DNAH14: variants seen among roughly 807,000 people sequenced by gnomAD.
DNAH14 encodes axonemal beta dynein heavy chain 14.
A neutral mutation model predicts 520.9 loss-of-function variants in DNAH14; 478 were observed. That is an observed-to-expected ratio of 0.92 (90% CI 0.85 to 0.99). DNAH14 has a LOEUF of 0.99. Ranked by LOEUF, DNAH14 falls within the 50% of genes least tolerant of loss-of-function variation. The probability of loss-of-function intolerance (pLI) is 0.00; values close to 1 mark genes in which losing one functional copy is unlikely to be tolerated. For missense variants in DNAH14, 4,831 were observed against 5,234.5 expected, an observed-to-expected ratio of 0.92 and a Z score of 2.38; for synonymous variants, 1,581 against 1,757.2, an observed-to-expected ratio of 0.90 and a Z score of 2.51.
At chr1:225,051,382 A>C in intron 16 of DNAH14, 69 bp from the exon 17 acceptor site, 3 of 1,108,610 alleles carry the variant, frequency 2.7e-6, no homozygotes, top group Non-Finnish European at 2.5e-6. Context: ...AGAAACTATT[A>C]GCATGCCAAA....
intron 1 of DNAH14, among the ~76,000 whole-genome samples, chr1:224,941,585 G>A (rs2059422746): frequency 6.6e-6 from 1 of 150,380 alleles, no homozygotes; most frequent in Admixed American, 6.6e-5. Context: ...TAGACATGAA[G>A]CCCTATGTCC....
chr1:225,393,817 T>TG (rs570360802), intron 84 of DNAH14, among the ~76,000 whole-genome samples: 7,976 of 147,808 alleles, frequency 0.054, 222 homozygotes, highest in Middle Eastern at 0.065. Flanking sequence ...TTTTTTTGTT[T>TG]TTTTTTTGTT....
chr1:225,173,054 A>G (rs1377109533), intron 36 of DNAH14, among the ~76,000 whole-genome samples: 2 of 152,244 alleles, frequency 1.3e-5, no homozygotes, highest in Admixed American at 6.5e-5. Flanking sequence ...CTGGCTAGCC[A>G]TATGTAGAAA....
intron 1 of DNAH14, among the ~76,000 whole-genome samples, chr1:224,947,197 C>T (rs988678991): frequency 1.3e-5 from 2 of 152,058 alleles, no homozygotes; most frequent in African/African-American, 2.4e-5. Context: ...GGATTACAGG[C>T]GTGAACCACC....
intron 1 of DNAH14, among the ~76,000 whole-genome samples, chr1:224,934,555 A>C (rs895928028): frequency 1.3e-5 from 2 of 151,908 alleles, no homozygotes; most frequent in Non-Finnish European, 2.9e-5. Context: ...AAAAAGTGAC[A>C]AAAGTTATGA....
intron 27 of DNAH14, among the ~76,000 whole-genome samples, chr1:225,134,524 T>A (rs1468615552): frequency 6.6e-6 from 1 of 152,162 alleles, no homozygotes; most frequent in Non-Finnish European, 1.5e-5. Flanking sequence ...ATGAATGACA[T>A]TTATTGATTT....
intron 43 of DNAH14, among the ~76,000 whole-genome samples, chr1:225,241,545 A>G (rs1031040117): frequency 3.3e-5 from 5 of 152,156 alleles, no homozygotes; most frequent in African/African-American, 1.2e-4. Flanking sequence ...GATTTTTTTC[A>G]TGGTGTGAAT....
intron 7 of DNAH14, among the ~76,000 whole-genome samples, chr1:224,971,473 G>A (rs2061498503): frequency 6.6e-6 from 1 of 152,088 alleles, no homozygotes; most frequent in Non-Finnish European, 1.5e-5. Context: ...ATAGAACTGT[G>A]AAAAAATATA....
chr1:225,147,799 T>G (rs551318514), intron 31 of DNAH14, among the ~76,000 whole-genome samples: 14 of 152,258 alleles, frequency 9.2e-5, no homozygotes, highest in Admixed American at 6.5e-5. Context: ...CCTTCCACCC[T>G]CCAGTAGGCC....
intron 23 of DNAH14, among the ~76,000 whole-genome samples, chr1:225,104,980 G>A (rs1024217910): frequency 5.3e-5 from 8 of 152,020 alleles, no homozygotes; most frequent in Admixed American, 2.6e-4. Flanking sequence ...GTGATGTTAG[G>A]GTGTCAATTT....
At chr1:225,171,246 A>C (rs890188185) in intron 36 of DNAH14, among the ~76,000 whole-genome samples, 1 of 152,336 alleles carries the variant, frequency 6.6e-6, no homozygotes, top group African/African-American at 2.4e-5. Context: ...AAAAGCTAGC[A>C]GAAGGCAAGA....
At chr1:225,021,478 A>G (rs548315502) in intron 10 of DNAH14, among the ~76,000 whole-genome samples, 3 of 152,300 alleles carry the variant, frequency 2.0e-5, no homozygotes, top group Admixed American at 2.0e-4. Flanking sequence ...AAAAATCAGT[A>G]GCATTTCTGT....
chr1:225,162,591 A>C (rs919386244), intron 35 of DNAH14, among the ~76,000 whole-genome samples: 16 of 152,154 alleles, frequency 1.1e-4, no homozygotes, highest in African/African-American at 3.9e-4. Flanking sequence ...TGGTATTTTG[A>C]TAGGACTGCA....
At chr1:225,324,445 T>C (rs2094614468) in intron 63 of DNAH14, 92 bp downstream of exon 63, 3 of 1,469,278 alleles carry the variant, frequency 2.0e-6, no homozygotes, top group Admixed American at 2.3e-5. Flanking sequence ...TCAAATGAAC[T>C]TGAGTGGAAA....
At chr1:225,082,171 G>GGTGTGTGTGTGTGTGTGT (rs56658194) in intron 19 of DNAH14, among the ~76,000 whole-genome samples, 10,168 of 145,144 alleles carry the variant, frequency 0.07, 417 homozygotes, top group East Asian at 0.15. Context: ...GAATGTTTGT[G>GGTGTGTGTGTGTGTGTGT]GTGTGTGTGT....
At chr1:225,382,793 C>T (rs1291260826) in intron 81 of DNAH14, among the ~76,000 whole-genome samples, 1 of 151,442 alleles carries the variant, frequency 6.6e-6, no homozygotes, top group Admixed American at 6.6e-5. Flanking sequence ...AAGGTGAAAA[C>T]AACTCAAATG....
At chr1:225,096,626 C>G (rs1476043671) in intron 21 of DNAH14, among the ~76,000 whole-genome samples, 2 of 152,044 alleles carry the variant, frequency 1.3e-5, no homozygotes, top group Non-Finnish European at 2.9e-5. Context: ...TAAAACCTCT[C>G]TAGAAGACAT....
chr1:225,290,645 GTGTATATATATATATATATA>G (rs2093855988), intron 55 of DNAH14, among the ~76,000 whole-genome samples: 2 of 40,582 alleles, frequency 4.9e-5, no homozygotes, highest in African/African-American at 2.5e-4. Context: ...GTGTGTGTGT[GTGTATATATATATATATATA>G]TATATATATA....
rs574089670 is a variant in DNAH14, at chr1:225,056,391, T to C, written c.2424+4596T>C. Among the ~76,000 whole-genome samples the C allele has an allele frequency of 7.9e-5, 12 of 152,332 alleles. No individual in the cohort carries two copies. The East Asian group carries it at 2.3e-3, about 29-fold the overall frequency. On this transcript the variant is annotated intron_variant, in intron 17 of 85. Coordinates refer to ENST00000682510, the MANE Select transcript of DNAH14 (RefSeq NM_001367479.1). ...CTTTTTGATGGGGTTGTTTTTTGCTTGTAAATTTGTTTGAGTTCATTGTAG... is the reference window on the plus strand; with the variant it reads ...CTTTTTGATGGGGTTGTTTTTTGCTCGTAAATTTGTTTGAGTTCATTGTAG...
Sources: gnomAD v4.1 joint callset for allele counts (sites outside exome capture counted in the v4.1 genomes callset) on GRCh38, gnomAD v4.1.1 for gene constraint, MANE v1.5 for transcripts, NCBI Gene and HGNC (gene_info 2026-07-23, HGNC 2026-07-21) for gene names.